The following LPIN2 variants were observed in gnomAD, a reference collection of about 807,000 sequenced individuals.
LPIN2 encodes the protein phosphatidate phosphatase LPIN2.
A neutral mutation model predicts 111.4 loss-of-function variants in LPIN2; 55 were observed. The ratio of observed to expected loss-of-function variants is 0.49; its 90% CI spans 0.40 to 0.62. The LOEUF is 0.62. LPIN2 is among the 20% of genes least tolerant of loss of function. The pLI is 0.00. For synonymous variants in LPIN2, 425 were observed against 414.0 expected (o/e 1.03, Z -0.32); for missense variants, 992 against 1,112.1 (o/e 0.89, Z 1.54).
chr18:2,923,347 G>A (rs2077083108), intron 16 of LPIN2, among the ~76,000 whole-genome samples: 1 of 149,356 alleles, frequency 6.7e-6, no homozygotes, highest in Admixed American at 6.7e-5. Flanking sequence ...TTGAACCCGG[G>A]AGGCGGAGAC....
chr18:2,931,595 G>A (rs1490251531), intron 8 of LPIN2, 152 bp from the exon 9 acceptor site: 2 of 728,962 alleles, frequency 2.7e-6, no homozygotes, highest in Non-Finnish European at 4.8e-6. Context: ...CTTAGATAGG[G>A]TTTAGAATCA....
chr18:3,002,740 C>CTTA (rs1382851002), intron 1 of LPIN2, among the ~76,000 whole-genome samples: 1 of 152,196 alleles, frequency 6.6e-6, no homozygotes, highest in African/African-American at 2.4e-5. Flanking sequence ...AAGCTTTTAA[C>CTTA]TAAACAGTAA....
chr18:2,954,418 T>C lies in LPIN2; in HGVS notation c.288+86A>G, dbSNP rs1598563437. 3.8e-5 allele frequency: 35 copies of C among 911,176 alleles called. No homozygotes were observed. In the East Asian group the frequency reaches 8.5e-4, roughly 22 times the overall value. The allele number at this position is 911,176 out of a possible 1,614,324, so 56.4% of individuals were successfully genotyped here. On this transcript the variant is annotated intron_variant, in intron 3 of 19. Transcript: ENST00000677752. The stretch of plus-strand genomic sequence containing the variant: ...CAACAGTCCTCTGTACAATCAACCA[T>C]AAAAAACTGCTAAACGGTCCGTCTG...
rs1173392258 is a variant in LPIN2, at chr18:2,937,672, CAA to C, written c.1168+18_1168+19del. On this transcript the variant is annotated intron_variant, in intron 7 of 19. Transcript: ENST00000677752. ...CATCTAATTTGAGAGTACCTGGAGC[CAA>C]ATTAAACAAACGATTACCTTTCTTC... is the stretch of plus-strand genomic sequence containing the variant. The C allele has an allele frequency of 6.2e-7, 1 of 1,605,622 alleles. No homozygotes were observed. The highest frequency in any genetic ancestry group is 2.2e-5 in the East Asian group (1 of 44,836).
chr18:3,006,717 G>A (rs2078521437), intron 1 of LPIN2, among the ~76,000 whole-genome samples: 1 of 152,108 alleles, frequency 6.6e-6, no homozygotes, highest in African/African-American at 2.4e-5. Flanking sequence ...GGAGCCTGTA[G>A]TCCCAGCTAC....
chr18:2,962,255 T>A (rs1377201484), intron 1 of LPIN2, among the ~76,000 whole-genome samples: 1 of 152,202 alleles, frequency 6.6e-6, no homozygotes, highest in African/African-American at 2.4e-5. Context: ...AAGAAATTTT[T>A]AAAATATTTT....
At chr18:2,954,725 G>A (rs1044456897) in intron 2 of LPIN2, 126 bp from the exon 3 acceptor site, 12 of 741,372 alleles carry the variant, frequency 1.6e-5, no homozygotes, top group Non-Finnish European at 2.9e-5. Context: ...TACAGCCTCT[G>A]AGAAACACTG....
At chr18:3,009,025 A>G (rs1023810995) in intron 1 of LPIN2, among the ~76,000 whole-genome samples, 3 of 151,100 alleles carry the variant, frequency 2.0e-5, no homozygotes, top group African/African-American at 7.3e-5. Context: ...CCAGCACTTT[A>G]GGAGGCGAAA....
At position 2,954,494 on chromosome 18, in the gene LPIN2, G is replaced by GC; in HGVS notation, c.288+9dup. Reference sequence around the variant, plus strand: ...ACTGTGTAAGGAGGGTGTAACCCATGCAAACTTACATATTCTTCTTCAGTC... The same window carrying GC: ...ACTGTGTAAGGAGGGTGTAACCCATGCCAAACTTACATATTCTTCTTCAGTC... On this transcript the variant is annotated intron_variant, in intron 3 of 19. Transcript: ENST00000677752. 1 of 1,599,864 alleles carries GC rather than the reference G, an allele frequency of 6.3e-7. No individual in the cohort carries two copies. Among genetic ancestry groups the GC allele is most frequent in the Non-Finnish European group, 8.6e-7 (1 of 1,167,082 alleles).
chr18:3,000,098 AAG>A (rs1246858955), intron 1 of LPIN2, among the ~76,000 whole-genome samples: 19 of 132,266 alleles, frequency 1.4e-4, no homozygotes, highest in Non-Finnish European at 3.0e-4. Flanking sequence ...GAAGAGGGGA[AAG>A]AGGGGAAGGA....
chr18:2,997,620 C>G (rs975335201), intron 1 of LPIN2, among the ~76,000 whole-genome samples: 1 of 152,160 alleles, frequency 6.6e-6, no homozygotes, highest in East Asian at 1.9e-4. Context: ...AATTCACAAA[C>G]CTTACATATG....
At chr18:2,946,747 G>T (rs2077458416) in intron 4 of LPIN2, 1 of 537,450 alleles carries the variant, frequency 1.9e-6, no homozygotes, top group Non-Finnish European at 3.4e-6. Flanking sequence ...TGGTAGTATG[G>T]AACAGATAAG....
chr18:2,954,284 A>G (rs1226547129), intron 3 of LPIN2, among the ~76,000 whole-genome samples: 1 of 152,266 alleles, frequency 6.6e-6, no homozygotes, highest in Non-Finnish European at 1.5e-5. Context: ...ATGTGCATTC[A>G]GCATGCTCCC....
At chr18:3,002,279 A>AT (rs2078446959) in intron 1 of LPIN2, among the ~76,000 whole-genome samples, 1 of 151,338 alleles carries the variant, frequency 6.6e-6, no homozygotes, top group African/African-American at 2.4e-5. Flanking sequence ...CAACATAGGT[A>AT]TACCAGTACC....
At chr18:3,005,568 T>G (rs1478103834) in intron 1 of LPIN2, among the ~76,000 whole-genome samples, 1 of 151,936 alleles carries the variant, frequency 6.6e-6, no homozygotes, top group Non-Finnish European at 1.5e-5. Context: ...TCCCAGCTAC[T>G]CAGGAGGCAC....
intron 4 of LPIN2, among the ~76,000 whole-genome samples, chr18:2,944,255 CTATTT>C (rs2077411086): frequency 6.9e-6 from 1 of 145,316 alleles, no homozygotes; most frequent in Non-Finnish European, 1.5e-5. Context: ...CCAAAACAAG[CTATTT>C]TATTTAACAT....
intron 2 of LPIN2, among the ~76,000 whole-genome samples, chr18:2,955,077 T>C (rs1280561339): frequency 1.3e-5 from 2 of 152,144 alleles, no homozygotes; most frequent in African/African-American, 4.8e-5. Flanking sequence ...AGTGCTGTGA[T>C]TGGTCACTGA....
chr18:2,940,748 G>T, intron 4 of LPIN2, 36 bp from the exon 5 acceptor site: 1 of 1,268,830 alleles, frequency 7.9e-7, no homozygotes, highest in South Asian at 1.2e-5. Flanking sequence ...CAGGAACGAT[G>T]ACATTCTTGT....
chr18:2,938,496 C>G (rs1367567252), intron 6 of LPIN2, among the ~76,000 whole-genome samples: 1 of 152,030 alleles, frequency 6.6e-6, no homozygotes, highest in Non-Finnish European at 1.5e-5. Flanking sequence ...TGCATTCCAG[C>G]CTAGGTGACA....
Sources: gnomAD v4.1 joint callset for allele counts (sites outside exome capture counted in the v4.1 genomes callset) on GRCh38, gnomAD v4.1.1 for gene constraint, MANE v1.5 for transcripts, NCBI Gene and HGNC (gene_info 2026-07-23, HGNC 2026-07-21) for gene names.